PRKCA: variants seen among roughly 807,000 people sequenced by gnomAD.
PRKCA encodes the protein protein kinase C alpha.
Under a neutral mutation model 87.0 loss-of-function variants are expected in PRKCA, and 27 were observed. That is an observed-to-expected ratio of 0.31 (90% CI 0.23 to 0.43). The LOEUF is 0.43. PRKCA is among the 20% of genes least tolerant of loss of function. PRKCA has a pLI of 1.00. For synonymous variants in PRKCA, 329 were observed against 311.1 expected (o/e 1.06, Z -0.61); for missense variants, 518 against 852.3 (o/e 0.61, Z 4.88).
intron 3 of PRKCA, among the ~76,000 whole-genome samples, chr17:66,539,642 A>T (rs1967913595): frequency 6.6e-6 from 1 of 152,082 alleles, no homozygotes; most frequent in Non-Finnish European, 1.5e-5. Flanking sequence ...CTGATTTGTG[A>T]TCTGCCCGCC....
chr17:66,671,909 A>T (rs1972197638), intron 5 of PRKCA, among the ~76,000 whole-genome samples: 1 of 152,234 alleles, frequency 6.6e-6, no homozygotes, highest in Non-Finnish European at 1.5e-5. Context: ...AATGGGAAAG[A>T]TAGGGCTTAT....
intron 3 of PRKCA, among the ~76,000 whole-genome samples, chr17:66,541,978 C>T (rs991499158): frequency 6.6e-6 from 1 of 152,192 alleles, no homozygotes; most frequent in Non-Finnish European, 1.5e-5. Context: ...TAACAAGCCA[C>T]CACGTGGAAT....
intron 2 of PRKCA, among the ~76,000 whole-genome samples, chr17:66,387,038 G>A (rs1910100381): frequency 6.6e-6 from 1 of 152,286 alleles, no homozygotes; most frequent in South Asian, 2.1e-4. Context: ...AGAGAGTAAA[G>A]GTTACTTCCT....
intron 2 of PRKCA, among the ~76,000 whole-genome samples, chr17:66,330,700 A>G (rs1402209731): frequency 1.3e-5 from 2 of 152,166 alleles, no homozygotes; most frequent in South Asian, 2.1e-4. Context: ...GGAAAAAGGT[A>G]TTTGGAAGAT....
At chr17:66,574,448 A>T (rs540364779) in intron 3 of PRKCA, among the ~76,000 whole-genome samples, 1 of 152,300 alleles carries the variant, frequency 6.6e-6, no homozygotes, top group East Asian at 1.9e-4. Flanking sequence ...TTACAATGTA[A>T]TTTAATATGC....
intron 8 of PRKCA, among the ~76,000 whole-genome samples, chr17:66,728,526 T>C (rs1253432001): frequency 6.6e-6 from 1 of 152,258 alleles, no homozygotes; most frequent in African/African-American, 2.4e-5. Context: ...ATTTGAGACC[T>C]GAGGCCAAGG....
rs1258731979 is a variant in PRKCA, at chr17:66,805,812, C to T, written c.*1775C>T. ...TTTGTGTGTGCGTGTGTGTGTGTTTCCTTCTTCCCTTCAGCCTGTGACTGT... is the reference window on the plus strand; with the variant it reads ...TTTGTGTGTGCGTGTGTGTGTGTTTTCTTCTTCCCTTCAGCCTGTGACTGT... On this transcript the variant is annotated 3_prime_UTR_variant, in exon 17 of 17. Transcript: ENST00000413366. 4.6e-5 allele frequency: 7 copies of T among 152,298 alleles called. No homozygotes were observed. The highest frequency in any genetic ancestry group is 1.7e-4 in the African/African-American group (7 of 41,506). The allele number at this position is 152,298 out of a possible 1,614,324, so 9.4% of individuals were successfully genotyped here.
At chr17:66,335,599 A>G (rs1906614269) in intron 2 of PRKCA, among the ~76,000 whole-genome samples, 1 of 152,212 alleles carries the variant, frequency 6.6e-6, no homozygotes, top group South Asian at 2.1e-4. Flanking sequence ...AAAAAAAAAA[A>G]AGAACTGTGT....
intron 2 of PRKCA, among the ~76,000 whole-genome samples, chr17:66,356,990 C>T (rs1163328664): frequency 1.3e-5 from 2 of 152,182 alleles, no homozygotes; most frequent in Non-Finnish European, 2.9e-5. Flanking sequence ...AACTCCTGGG[C>T]TCAAGTGATC....
At chr17:66,752,328 C>T (rs1293826912) in intron 13 of PRKCA, among the ~76,000 whole-genome samples, 1 of 152,224 alleles carries the variant, frequency 6.6e-6, no homozygotes, top group African/African-American at 2.4e-5. Context: ...GGCGTGGTGG[C>T]TCACACGCGT....
chr17:66,646,852 A>G (rs1050667865), intron 5 of PRKCA, among the ~76,000 whole-genome samples: 10 of 152,240 alleles, frequency 6.6e-5, no homozygotes, highest in African/African-American at 2.4e-4. Flanking sequence ...GAAACCAGCT[A>G]TAGCTGATGG....
chr17:66,489,571 G>A (rs1288332987), intron 2 of PRKCA, among the ~76,000 whole-genome samples: 1 of 151,672 alleles, frequency 6.6e-6, no homozygotes, highest in Non-Finnish European at 1.5e-5. Flanking sequence ...AGCGAGCAGG[G>A]AGGGTGCAAG....
At chr17:66,343,330 C>G (rs1440569837) in intron 2 of PRKCA, among the ~76,000 whole-genome samples, 2 of 152,148 alleles carry the variant, frequency 1.3e-5, no homozygotes, top group Non-Finnish European at 2.9e-5. Flanking sequence ...TTAGCTTTTT[C>G]TCTATCACTT....
At chr17:66,459,518 G>A (rs1427779972) in intron 2 of PRKCA, among the ~76,000 whole-genome samples, 1 of 152,230 alleles carries the variant, frequency 6.6e-6, no homozygotes, top group African/African-American at 2.4e-5. Context: ...TTTTGTAAAT[G>A]TGGGGCAAAT....
intron 3 of PRKCA, among the ~76,000 whole-genome samples, chr17:66,518,298 G>T (rs1877847): frequency 0.5 from 76,040 of 151,976 alleles, 19,333 homozygotes; most frequent in East Asian, 0.75. Flanking sequence ...TTTCCTTGTA[G>T]TTGGTTGATA....
chr17:66,552,929 A>C (rs2143232958), intron 3 of PRKCA, among the ~76,000 whole-genome samples: 1 of 152,332 alleles, frequency 6.6e-6, no homozygotes, highest in East Asian at 1.9e-4. Flanking sequence ...TCTTTTTAGT[A>C]GAACATCTAA....
At chr17:66,645,790 C>T (rs909150155) in intron 5 of PRKCA, among the ~76,000 whole-genome samples, 5 of 152,036 alleles carry the variant, frequency 3.3e-5, no homozygotes, top group African/African-American at 4.8e-5. Context: ...CAGCATGGCC[C>T]GTGTACTCTC....
At chr17:66,710,113 G>A (rs2144122438) in intron 8 of PRKCA, among the ~76,000 whole-genome samples, 1 of 152,198 alleles carries the variant, frequency 6.6e-6, no homozygotes, top group Middle Eastern at 3.4e-3. Context: ...GGAGAGAAGG[G>A]TCCTGTCCTC....
chr17:66,441,162 CAAAAAAAAAAAAAA>C (rs199828612), intron 2 of PRKCA, among the ~76,000 whole-genome samples: 69 of 107,168 alleles, frequency 6.4e-4, no homozygotes, highest in Middle Eastern at 4.6e-3. Flanking sequence ...ACTCTGTCTC[CAAAAAAAAAAAAAA>C]AAAAAAAAAA....
Sources: gnomAD v4.1 joint callset for allele counts (sites outside exome capture counted in the v4.1 genomes callset) on GRCh38, gnomAD v4.1.1 for gene constraint, MANE v1.5 for transcripts, NCBI Gene and HGNC (gene_info 2026-07-23, HGNC 2026-07-21) for gene names.